The following LIMA1 variants were observed in gnomAD, a reference collection of about 807,000 sequenced individuals.
LIMA1 encodes the protein LIM domain and actin-binding protein 1.
A neutral mutation model predicts 62.6 loss-of-function variants in LIMA1; 52 were observed. That is an observed-to-expected ratio of 0.83 (90% confidence interval 0.67 to 1.05). LIMA1 has a LOEUF of 1.05. Among genes scored for constraint, LIMA1 ranks in the 50% least tolerant of loss-of-function variants. The pLI, the probability that LIMA1 is intolerant of heterozygous loss-of-function variation, is 0.00. For synonymous variants in LIMA1, 302 were observed against 317.8 expected, an observed-to-expected ratio of 0.95 and a Z score of 0.53; for missense variants, 780 against 902.2, an observed-to-expected ratio of 0.86 and a Z score of 1.74.
At chr12:50,248,824 A>G (rs1190549523) in intron 1 of LIMA1, 50 bp from the exon 2 acceptor site, 2 of 941,806 alleles carry the variant, frequency 2.1e-6, no homozygotes, top group South Asian at 1.4e-5. Context: ...GGATTCTCCA[A>G]CATCCAAGGA....
chr12:50,279,864 G>T (rs1012546777), intron 1 of LIMA1, among the ~76,000 whole-genome samples: 1 of 152,010 alleles, frequency 6.6e-6, no homozygotes, highest in Admixed American at 6.6e-5. Context: ...GAAGTCCCGG[G>T]GCATTAGCTT....
intron 1 of LIMA1, among the ~76,000 whole-genome samples, chr12:50,279,421 A>T (rs1035118157): frequency 3.3e-5 from 5 of 151,730 alleles, no homozygotes; most frequent in Non-Finnish European, 7.4e-5. Context: ...ACAATTATAT[A>T]TACAATATGA....
intron 10 of LIMA1, among the ~76,000 whole-genome samples, chr12:50,180,067 G>A (rs375890621): frequency 2.6e-5 from 4 of 152,042 alleles, no homozygotes; most frequent in South Asian, 4.1e-4. Flanking sequence ...TTGGGAGGCC[G>A]AGGAGGGCAG....
chr12:50,250,271 C>G (rs1291571255), intron 1 of LIMA1, among the ~76,000 whole-genome samples: 1 of 107,128 alleles, frequency 9.3e-6, no homozygotes, highest in Non-Finnish European at 1.7e-5. Context: ...GCCCAGGCAA[C>G]AAGGACGAAA....
chr12:50,257,686 C>G (rs1226457193), intron 1 of LIMA1, among the ~76,000 whole-genome samples: 2 of 152,184 alleles, frequency 1.3e-5, no homozygotes, highest in Admixed American at 6.5e-5. Flanking sequence ...TCCTCTGACC[C>G]CTTCCTTTAA....
intron 7 of LIMA1, among the ~76,000 whole-genome samples, chr12:50,196,993 G>A (rs936294737): frequency 2.6e-5 from 4 of 151,568 alleles, no homozygotes; most frequent in Non-Finnish European, 5.9e-5. Context: ...CAGTTCTTGA[G>A]AATTAGTAGG....
intron 1 of LIMA1, among the ~76,000 whole-genome samples, chr12:50,277,287 T>C (rs2138712620): frequency 6.6e-6 from 1 of 152,256 alleles, no homozygotes; most frequent in East Asian, 1.9e-4. Flanking sequence ...ACTTCTATTT[T>C]CCTGAAAGTT....
At chr12:50,204,810 C>T in intron 5 of LIMA1, 110 bp from the exon 6 acceptor site, 1 of 1,053,186 alleles carries the variant, frequency 9.5e-7, no homozygotes, top group East Asian at 2.5e-5. Flanking sequence ...GCCTCGAACT[C>T]CTGAGCTCAA....
chr12:50,219,957 T>C (rs560655582), intron 4 of LIMA1, among the ~76,000 whole-genome samples: 1 of 152,002 alleles, frequency 6.6e-6, no homozygotes, highest in South Asian at 2.1e-4. Flanking sequence ...TAAATTCTCA[T>C]TACAGATGTA....
At chr12:50,231,638 C>A in intron 3 of LIMA1, 27 bp downstream of exon 3, 1 of 1,611,672 alleles carries the variant, frequency 6.2e-7, no homozygotes, top group Non-Finnish European at 8.5e-7. Flanking sequence ...AGAAGTGCCA[C>A]ATGCCCTGGA....
chr12:50,243,446 T>C (rs1941805881), intron 2 of LIMA1, among the ~76,000 whole-genome samples: 1 of 152,228 alleles, frequency 6.6e-6, no homozygotes, highest in Admixed American at 6.5e-5. Context: ...TCCTGTAGTC[T>C]ACAGCCATAC....
chr12:50,183,330 G>C (rs371645625), intron 9 of LIMA1, among the ~76,000 whole-genome samples: 8 of 152,126 alleles, frequency 5.3e-5, no homozygotes, highest in Non-Finnish European at 1.2e-4. Context: ...CAGTAGATGC[G>C]GGAGACAGCT....
At chr12:50,209,016 A>G (rs1475737837) in intron 4 of LIMA1, among the ~76,000 whole-genome samples, 2 of 145,410 alleles carry the variant, frequency 1.4e-5, no homozygotes, top group African/African-American at 5.1e-5. Context: ...TTTACAGTAG[A>G]GACAGGGTCT....
chr12:50,247,604 A>AATAATTATTATTATTATT (rs1555209670), intron 2 of LIMA1, among the ~76,000 whole-genome samples: 49 of 140,608 alleles, frequency 3.5e-4, no homozygotes, highest in African/African-American at 1.0e-3. Flanking sequence ...TAAATGCTGG[A>AATAATTATTATTATTATT]ATTATTATTA....
chr12:50,235,215 T>C (rs1941673985), intron 2 of LIMA1, among the ~76,000 whole-genome samples: 1 of 151,530 alleles, frequency 6.6e-6, no homozygotes, highest in Admixed American at 6.6e-5. Flanking sequence ...ATTACAGGCA[T>C]GAGCCACCAT....
rs1169063733 is a variant in LIMA1, at chr12:50,175,946, CCATA to C, written c.*1114_*1117del. ...AGCTTAAGACACCTCTCCCTCCCAT[CCATA>C]CAATTTGGAATATCAACTGTGTACA... On this transcript the variant is annotated 3_prime_UTR_variant, in exon 11 of 11. Transcript: ENST00000341247. 3 of 152,142 alleles carry C rather than the reference CCATA, an allele frequency of 2.0e-5. No individual in the cohort carries two copies. Among genetic ancestry groups the C allele is most frequent in the East Asian group, 1.9e-4 (1 of 5,200 alleles). 9.4% of individuals were successfully genotyped at this position (152,142 alleles called of 1,614,324 possible).
intron 1 of LIMA1, among the ~76,000 whole-genome samples, chr12:50,267,348 G>C (rs1207148462): frequency 1.3e-5 from 2 of 152,022 alleles, no homozygotes; most frequent in Non-Finnish European, 2.9e-5. Flanking sequence ...TGGGATTACA[G>C]ACGTGAGCCA....
chr12:50,214,146 A>C (rs1238440595), intron 4 of LIMA1, among the ~76,000 whole-genome samples: 2 of 152,212 alleles, frequency 1.3e-5, no homozygotes, highest in African/African-American at 4.8e-5. Flanking sequence ...GTCAGTCAAA[A>C]TAATGCTGAG....
At position 50,177,645 on chromosome 12, in the gene LIMA1, C is replaced by T; in HGVS notation, c.1699G>A (p.Val567Ile). The T allele has an allele frequency of 6.2e-7, 1 of 1,607,756 alleles. No homozygotes were observed. The highest frequency in any genetic ancestry group is 8.5e-7 in the Non-Finnish European group (1 of 1,177,218). ...PPEDEISKPE[V>I]PEDVDLDLKK... ...AGATCTAGATCGACATCCTCAGGAA[C>T]TTCGGGCTTGCTGATTTCGTCTTCA... Residue 567 changes from valine to isoleucine, a missense_variant, in exon 11 of 11, where the codon GTT becomes ATT. Coordinates refer to ENST00000341247, the MANE Select transcript of LIMA1 (RefSeq NM_016357.5).
Sources: gnomAD v4.1 joint callset for allele counts (sites outside exome capture counted in the v4.1 genomes callset) on GRCh38, gnomAD v4.1.1 for gene constraint, MANE v1.5 for transcripts, NCBI Gene and HGNC (gene_info 2026-07-23, HGNC 2026-07-21) for gene names.